Variants in PSD3 observed in about 807,000 individuals in gnomAD.
PSD3 encodes pleckstrin and Sec7 domain containing 3.
PSD3 carries 49 observed loss-of-function variants against 105.5 expected under a neutral mutation model. That is an observed-to-expected ratio of 0.46 (90% confidence interval 0.37 to 0.59). The LOEUF is 0.59. Ranked by LOEUF, PSD3 falls within the 20% of genes least tolerant of loss-of-function variation. The pLI is 0.00. For missense variants in PSD3, 1,561 were observed against 1,263.8 expected (o/e 1.24, Z -3.57); for synonymous variants, 557 against 457.8 (o/e 1.22, Z -2.77).
chr8:18,793,762 G>T (rs1051548075), intron 8 of PSD3, among the ~76,000 whole-genome samples: 5 of 152,184 alleles, frequency 3.3e-5, no homozygotes, highest in Admixed American at 6.5e-5. Context: ...GGTATCCACA[G>T]GGAAGATATT....
At chr8:18,966,864 A>C (rs1391538333) in intron 1 of PSD3, among the ~76,000 whole-genome samples, 1 of 152,210 alleles carries the variant, frequency 6.6e-6, no homozygotes, top group Non-Finnish European at 1.5e-5. Flanking sequence ...GTCTTAAAAT[A>C]AATGATACCT....
chr8:18,638,617 A>G (rs1807437124), intron 10 of PSD3, among the ~76,000 whole-genome samples: 1 of 152,188 alleles, frequency 6.6e-6, no homozygotes, highest in Non-Finnish European at 1.5e-5. Flanking sequence ...ACCGTAAAAC[A>G]TTGAAAAATT....
chr8:18,833,003 T>C (rs1174011642), intron 4 of PSD3, among the ~76,000 whole-genome samples: 1 of 152,006 alleles, frequency 6.6e-6, no homozygotes, highest in East Asian at 1.9e-4. Flanking sequence ...GGCATGGCAG[T>C]TTGAGGTTAT....
At chr8:18,714,247 A>G (rs1358512596) in intron 9 of PSD3, among the ~76,000 whole-genome samples, 1 of 152,200 alleles carries the variant, frequency 6.6e-6, no homozygotes, top group Non-Finnish European at 1.5e-5. Flanking sequence ...AAATGTCAAA[A>G]GCAACTGCAA....
At chr8:18,926,816 C>T (rs1002895051) in intron 2 of PSD3, among the ~76,000 whole-genome samples, 2 of 152,138 alleles carry the variant, frequency 1.3e-5, no homozygotes, top group Non-Finnish European at 2.9e-5. Context: ...ACACTATCTA[C>T]CCGGATATGG....
intron 8 of PSD3, among the ~76,000 whole-genome samples, chr8:18,768,036 C>A (rs140794134): frequency 6.9e-6 from 1 of 145,704 alleles, no homozygotes; most frequent in Non-Finnish European, 1.5e-5. Context: ...TTTGGGAGGC[C>A]GAGACAGGCG....
intron 2 of PSD3, among the ~76,000 whole-genome samples, chr8:18,922,366 T>G (rs2129467437): frequency 6.6e-6 from 1 of 152,318 alleles, no homozygotes; most frequent in Non-Finnish European, 1.5e-5. Context: ...GAAAAAAGTT[T>G]GACCTCAATT....
chr8:18,867,317 C>A (rs983003839), intron 4 of PSD3, among the ~76,000 whole-genome samples: 2 of 152,208 alleles, frequency 1.3e-5, no homozygotes, highest in Non-Finnish European at 2.9e-5. Context: ...TCTTCAACCA[C>A]CCTCAGTGCC....
intron 9 of PSD3, among the ~76,000 whole-genome samples, chr8:18,671,662 T>C (rs1799790229): frequency 6.6e-6 from 1 of 151,946 alleles, no homozygotes; most frequent in Non-Finnish European, 1.5e-5. Context: ...AGATGGAGTC[T>C]CGCTTTGTCG....
chr8:18,555,547 A>G (rs1297089828), intron 15 of PSD3, among the ~76,000 whole-genome samples: 1 of 152,240 alleles, frequency 6.6e-6, no homozygotes, highest in African/African-American at 2.4e-5. Context: ...GGCAGAGGCT[A>G]AGGGACTCTA....
chr8:18,663,115 G>A (rs1809478976), intron 9 of PSD3, among the ~76,000 whole-genome samples: 1 of 152,116 alleles, frequency 6.6e-6, no homozygotes, highest in Non-Finnish European at 1.5e-5. Flanking sequence ...CAGCATCTCT[G>A]GGGATGCACA....
chr8:18,788,968 A>T (rs1279890075), intron 8 of PSD3, among the ~76,000 whole-genome samples: 7 of 152,224 alleles, frequency 4.6e-5, no homozygotes, highest in Non-Finnish European at 1.5e-5. Flanking sequence ...AACCAGGACT[A>T]CAGTGGATAT....
chr8:18,927,480 G>A (rs1347526878), intron 2 of PSD3, among the ~76,000 whole-genome samples: 2 of 152,146 alleles, frequency 1.3e-5, no homozygotes, highest in East Asian at 1.9e-4. Flanking sequence ...CCAAAGTACT[G>A]GGAAGACAGG....
At chr8:18,651,909 A>G (rs1214694450) in intron 10 of PSD3, among the ~76,000 whole-genome samples, 1 of 152,228 alleles carries the variant, frequency 6.6e-6, no homozygotes, top group Non-Finnish European at 1.5e-5. Flanking sequence ...TACAGCACAT[A>G]GGAACTTCAC....
intron 2 of PSD3, among the ~76,000 whole-genome samples, chr8:18,894,746 TC>T (rs1194209502): frequency 1.3e-5 from 2 of 152,108 alleles, no homozygotes; most frequent in Non-Finnish European, 2.9e-5. Context: ...CAATCGGAAC[TC>T]CCACCCTATG....
intron 4 of PSD3, among the ~76,000 whole-genome samples, chr8:18,840,524 C>G (rs1814533588): frequency 6.6e-6 from 1 of 152,216 alleles, no homozygotes; most frequent in African/African-American, 2.4e-5. Flanking sequence ...TTCCGATATT[C>G]CAGGTTGGTC....
chr8:18,808,605 T>C (rs1362649903), intron 4 of PSD3: 1 of 1,097,950 alleles, frequency 9.1e-7, no homozygotes, highest in East Asian at 2.7e-5. Flanking sequence ...AAGGTTTCAG[T>C]AAAAGGAGAA....
chr8:18,578,053 T>C (rs1299434892), intron 12 of PSD3, among the ~76,000 whole-genome samples: 6 of 152,126 alleles, frequency 3.9e-5, no homozygotes, highest in Non-Finnish European at 5.9e-5. Context: ...GTTTTACTTA[T>C]TGTCTGGAGA....
intron 11 of PSD3, among the ~76,000 whole-genome samples, chr8:18,614,339 A>AACC (rs1805491698): frequency 3.9e-5 from 3 of 77,206 alleles, no homozygotes; most frequent in African/African-American, 1.5e-4. Flanking sequence ...CTTCTCCCCC[A>AACC]TCCCCCCCCC....
Sources: allele counts gnomAD v4.1 joint callset (sites outside exome capture counted in the v4.1 genomes callset), GRCh38; gene constraint gnomAD v4.1.1; transcripts MANE v1.5; gene names NCBI Gene and HGNC (gene_info 2026-07-23, HGNC 2026-07-21).